PDSS2: variants seen among roughly 807,000 people sequenced by gnomAD.
PDSS2 encodes all trans-polyprenyl-diphosphate synthase PDSS2.
A neutral mutation model predicts 44.5 loss-of-function variants in PDSS2; 31 were observed. The ratio of observed to expected loss-of-function variants is 0.70; its 90% CI spans 0.52 to 0.94. The LOEUF (loss-of-function observed/expected upper bound fraction) is 0.94, where lower values mean the gene tolerates loss of function less well. Ranked by LOEUF, PDSS2 falls within the 40% of genes least tolerant of loss-of-function variation. The probability of loss-of-function intolerance (pLI) is 0.00; values close to 1 mark genes in which losing one functional copy is unlikely to be tolerated. For synonymous variants in PDSS2, 157 were observed against 180.3 expected, an observed-to-expected ratio of 0.87 and a Z score of 1.03; for missense variants, 452 against 482.2, an observed-to-expected ratio of 0.94 and a Z score of 0.59.
At chr6:107,292,763 T>C (rs922399087) in intron 2 of PDSS2, among the ~76,000 whole-genome samples, 2 of 152,088 alleles carry the variant, frequency 1.3e-5, no homozygotes, top group Admixed American at 6.5e-5. Context: ...ACCAGATGCT[T>C]ATGAGGAGGA....
intron 1 of PDSS2, among the ~76,000 whole-genome samples, chr6:107,375,896 T>C (rs1173874378): frequency 6.6e-6 from 1 of 152,168 alleles, no homozygotes; most frequent in African/African-American, 2.4e-5. Flanking sequence ...GAAATTTGTA[T>C]AAAGAAAAAT....
At chr6:107,187,744 G>A (rs978751010) in intron 7 of PDSS2, among the ~76,000 whole-genome samples, 10 of 151,720 alleles carry the variant, frequency 6.6e-5, no homozygotes, top group African/African-American at 1.5e-4. Context: ...CCTCCTGTAC[G>A]TCTCCTAACA....
chr6:107,157,290 T>G (rs1005767034), intron 7 of PDSS2, among the ~76,000 whole-genome samples: 68 of 141,870 alleles, frequency 4.8e-4, no homozygotes, highest in African/African-American at 1.6e-3. Context: ...GCTCAAGTGA[T>G]CTTTCCACCT....
intron 2 of PDSS2, among the ~76,000 whole-genome samples, chr6:107,319,798 A>G (rs1777326072): frequency 1.3e-5 from 2 of 152,152 alleles, no homozygotes; most frequent in African/African-American, 4.8e-5. Context: ...ATTGAATTAA[A>G]CCCTAATAAT....
At chr6:107,355,280 C>T (rs1778563222) in intron 1 of PDSS2, among the ~76,000 whole-genome samples, 1 of 152,228 alleles carries the variant, frequency 6.6e-6, no homozygotes, top group South Asian at 2.1e-4. Context: ...TTGTGTGTAA[C>T]AATCCATGAT....
At chr6:107,410,025 G>A (rs1350498061) in intron 1 of PDSS2, among the ~76,000 whole-genome samples, 1 of 152,138 alleles carries the variant, frequency 6.6e-6, no homozygotes, top group African/African-American at 2.4e-5. Context: ...AAGGTCTTGT[G>A]ATGGAGTTTG....
chr6:107,217,273 A>G (rs7741987), intron 4 of PDSS2, among the ~76,000 whole-genome samples: 116,285 of 152,150 alleles, frequency 0.76, 45,213 homozygotes, highest in East Asian at 0.99. Context: ...AAGGGACTAT[A>G]CAGATGTAAT....
intron 4 of PDSS2, among the ~76,000 whole-genome samples, chr6:107,221,656 G>A (rs1773612888): frequency 6.6e-6 from 1 of 152,162 alleles, no homozygotes; most frequent in South Asian, 2.1e-4. Flanking sequence ...TTGAGATAGT[G>A]GTACTGGTGG....
chr6:107,362,177 T>G (rs763666898), intron 1 of PDSS2, among the ~76,000 whole-genome samples: 9 of 152,112 alleles, frequency 5.9e-5, no homozygotes, highest in Admixed American at 1.3e-4. Context: ...CCAGGCTGTG[T>G]GCATTGCCAC....
chr6:107,365,979 A>G (rs1192355167), intron 1 of PDSS2, among the ~76,000 whole-genome samples: 1 of 152,192 alleles, frequency 6.6e-6, no homozygotes, highest in African/African-American at 2.4e-5. Context: ...TTCAATAATT[A>G]ATAGGACAAC....
chr6:107,310,683 A>G (rs1007169325), intron 2 of PDSS2, among the ~76,000 whole-genome samples: 2 of 152,166 alleles, frequency 1.3e-5, no homozygotes, highest in African/African-American at 4.8e-5. Flanking sequence ...TTCTATGAAG[A>G]GAGTATTTAA....
At chr6:107,404,671 T>C (rs1780250743) in intron 1 of PDSS2, among the ~76,000 whole-genome samples, 1 of 152,152 alleles carries the variant, frequency 6.6e-6, no homozygotes. Context: ...TCACTCACTA[T>C]CATGAGAACA....
chr6:107,386,850 T>C (rs1245323531), intron 1 of PDSS2, among the ~76,000 whole-genome samples: 1 of 152,134 alleles, frequency 6.6e-6, no homozygotes, highest in Non-Finnish European at 1.5e-5. Flanking sequence ...ATGAGAAACC[T>C]TCAAAATATT....
chr6:107,442,174 T>TC (rs1781528853), intron 1 of PDSS2, among the ~76,000 whole-genome samples: 1 of 152,188 alleles, frequency 6.6e-6, no homozygotes, highest in Non-Finnish European at 1.5e-5. Context: ...CCCAACACTT[T>TC]GGGAGGCCAA....
intron 1 of PDSS2, among the ~76,000 whole-genome samples, chr6:107,364,982 C>A (rs1490763177): frequency 6.6e-6 from 1 of 152,032 alleles, no homozygotes; most frequent in Non-Finnish European, 1.5e-5. Flanking sequence ...CCTTTGTATA[C>A]CCTGCAAAAC....
intron 1 of PDSS2, among the ~76,000 whole-genome samples, chr6:107,408,365 C>T (rs531239648): frequency 6.6e-6 from 1 of 152,270 alleles, no homozygotes; most frequent in Non-Finnish European, 1.5e-5. Context: ...CTTATTTCTA[C>T]AAGACATCCA....
intron 2 of PDSS2, among the ~76,000 whole-genome samples, chr6:107,282,943 C>T (rs1166267379): frequency 2.7e-5 from 4 of 146,840 alleles, no homozygotes; most frequent in South Asian, 2.4e-4. Flanking sequence ...AGGCTGGTCT[C>T]GAACTTCTAA....
chr6:107,344,483 G>A (rs1246747774), intron 1 of PDSS2, among the ~76,000 whole-genome samples: 1 of 152,158 alleles, frequency 6.6e-6, no homozygotes, highest in Non-Finnish European at 1.5e-5. Context: ...TACAGGAGCT[G>A]TGGCAGTCAT....
At chr6:107,309,908 A>C (rs529687911) in intron 2 of PDSS2, among the ~76,000 whole-genome samples, 58 of 152,336 alleles carry the variant, frequency 3.8e-4, no homozygotes, top group Middle Eastern at 3.4e-3. Flanking sequence ...TTGGATTGCC[A>C]TAACAAAATA....
Sources: gnomAD v4.1 joint callset for allele counts (sites outside exome capture counted in the v4.1 genomes callset) on GRCh38, gnomAD v4.1.1 for gene constraint, MANE v1.5 for transcripts, NCBI Gene and HGNC (gene_info 2026-07-23, HGNC 2026-07-21) for gene names.